Variants in ZNF189 observed in about 807,000 individuals in gnomAD.
The protein encoded by ZNF189 is zinc finger protein 189.
ZNF189 carries 33 observed loss-of-function variants against 53.5 expected under a neutral mutation model. The observed-to-expected ratio is 0.62, with a 90% CI of 0.47 to 0.82. The LOEUF is 0.82. Ranked by LOEUF, ZNF189 falls within the 40% of genes least tolerant of loss-of-function variation. ZNF189 has a pLI of 0.00. For synonymous variants in ZNF189, 247 were observed against 238.8 expected, an observed-to-expected ratio of 1.03 and a Z score of -0.32; for missense variants, 711 against 753.9, an observed-to-expected ratio of 0.94 and a Z score of 0.67.
Position 101,409,793 on chromosome 9 carries a change from T to C in ZNF189, c.*144T>C, listed in dbSNP as rs963866296. 4 of 893,712 alleles carry C rather than the reference T, an allele frequency of 4.5e-6. No individual in the cohort carries two copies. The highest frequency in any genetic ancestry group is 1.9e-5 in the South Asian group (1 of 53,288). 55.4% of individuals were successfully genotyped at this position (893,712 alleles called of 1,614,324 possible). A position where few individuals can be genotyped will look rare whatever the true frequency, so the allele number is the denominator to read the frequency against. On this transcript the variant is annotated 3_prime_UTR_variant, in exon 3 of 3. Transcript: ENST00000339664. The stretch of plus-strand genomic sequence containing the variant: ...TAGTTTCTAAAGATTCTGTGAATAG[T>C]GGACAACTGCCCATGAGCATTTGAC...
chr9:101,408,204 A>C lies in ZNF189; in HGVS notation c.436A>C (p.Lys146Gln). The stretch of plus-strand genomic sequence containing the variant: ...CCGTAAAAGACCAAACTCAGAAGAG[A>C]AATGCCATAAATGTGAAGAATGTGG... The part of the protein sequence containing the change: ...IIRKRPNSEE[K>Q]CHKCEECGKG... The change falls in exon 3 of 3, where the codon AAA becomes CAA. Residue 146 changes from lysine (K) to glutamine (Q), a missense_variant. Physicochemically the swap from Lys to Gln is moderately conservative, Grantham distance 53. Transcript: ENST00000339664. The C allele has an allele frequency of 6.2e-7, 1 of 1,614,190 alleles. No homozygotes were observed. The highest frequency in any genetic ancestry group is 1.7e-5 in the Admixed American group (1 of 60,012).
In ZNF189 at chr9:101,410,055, C is replaced by G. The variant is rs1387198238; in HGVS notation, c.*406C>G. The G allele has an allele frequency of 6.3e-6, 1 of 159,746 alleles. No homozygotes were observed. The highest frequency in any genetic ancestry group is 1.4e-5 in the Non-Finnish European group (1 of 73,238). The allele number at this position is 159,746 out of a possible 1,614,324, so 9.9% of individuals were successfully genotyped here. A position where few individuals can be genotyped will look rare whatever the true frequency, so the allele number is the denominator to read the frequency against. ...TTTCAGTTCCATGATATGTTTGGCT[C>G]TGCATGCCAAAGTCCAGTGATTAAG... On this transcript the variant is annotated 3_prime_UTR_variant, in exon 3 of 3. Transcript: ENST00000339664.
chr9:101,409,114 T>A lies in ZNF189; in HGVS notation c.1346T>A (p.Val449Asp), dbSNP rs185201359. The change falls in exon 3 of 3, where the codon GTC becomes GAC. Residue 449 changes from valine to aspartate, a missense_variant. Physicochemically the swap from Val to Asp is radical, Grantham distance 152. Transcript: ENST00000339664. ...TGCAGTCTTGTTATACAGCAGGAAG[T>A]CTACCCTAAGGAGAAATCTTATAAA... is the stretch of plus-strand genomic sequence containing the variant. ...PNCSLVIQQE[V>D]YPKEKSYKCD... The A allele has an allele frequency of 3.1e-6, 5 of 1,613,926 alleles. No individual in the cohort carries two copies. In the East Asian group the frequency reaches 8.9e-5, roughly 29 times the overall value.
chr9:101,399,622 G>A, intron 1 of ZNF189: 2 of 1,300,640 alleles, frequency 1.5e-6, no homozygotes, highest in Admixed American at 3.6e-5. Context: ...GGTGAGGGAA[G>A]CTTGGAGAGG....
chr9:101,408,659 T>C lies in ZNF189; in HGVS notation c.891T>C (p.Phe297=). ...PYHCTKCKKS[F]SRNSLLVEHQ... is the part of the protein sequence containing the mutation. Reference sequence around the variant, plus strand: ...ACTGTACCAAATGTAAGAAGAGCTTTAGTCGAAATTCATTGCTTGTTGAGC... The same window carrying C: ...ACTGTACCAAATGTAAGAAGAGCTTCAGTCGAAATTCATTGCTTGTTGAGC... Residue 297 remains phenylalanine (F), a synonymous_variant, in exon 3 of 3, where the codon TTT becomes TTC. Coordinates refer to ENST00000339664, the MANE Select transcript of ZNF189 (RefSeq NM_003452.4). 1 of 1,614,138 alleles carries C rather than the reference T, an allele frequency of 6.2e-7. No homozygotes were observed. Among genetic ancestry groups the C allele is most frequent in the Non-Finnish European group, 8.5e-7 (1 of 1,180,016 alleles).
chr9:101,399,301 G>T (rs969028921), intron 1 of ZNF189, 112 bp downstream of exon 1: 5 of 1,434,628 alleles, frequency 3.5e-6, no homozygotes, highest in Middle Eastern at 2.0e-4. Context: ...CCTCTTTAGG[G>T]CCAGCGCCTT....
intron 2 of ZNF189, 72 bp downstream of exon 2, chr9:101,400,082 G>A (rs1010973016): frequency 1.9e-6 from 3 of 1,568,392 alleles, no homozygotes; most frequent in African/African-American, 2.7e-5. Context: ...AGAACATTTG[G>A]ACGGAAACCA....
Position 101,409,764 on chromosome 9 carries a change from C to G in ZNF189, c.*115C>G, listed in dbSNP as rs1830872820. The G allele has an allele frequency of 2.5e-5, 30 of 1,200,058 alleles. 1 individual carries two copies. The South Asian group carries it at 4.7e-4, about 19-fold the overall frequency. 74.3% of individuals were successfully genotyped at this position (1,200,058 alleles called of 1,614,324 possible). On this transcript the variant is annotated 3_prime_UTR_variant, in exon 3 of 3. Transcript: ENST00000339664. ...AAAGCAAATTCTCCTTGGCCTCAGGCAAATAGTTTCTAAAGATTCTGTGAA... is the reference window on the plus strand; with the variant it reads ...AAAGCAAATTCTCCTTGGCCTCAGGGAAATAGTTTCTAAAGATTCTGTGAA...
At chr9:101,400,313 G>C (rs1050797162) in intron 2 of ZNF189, among the ~76,000 whole-genome samples, 1 of 152,058 alleles carries the variant, frequency 6.6e-6, no homozygotes, top group Non-Finnish European at 1.5e-5. Context: ...TGGAACCCCT[G>C]TTCGTCTTCA....
chr9:101,399,552 A>G (rs1830453171), intron 1 of ZNF189: 2 of 1,276,684 alleles, frequency 1.6e-6, no homozygotes, highest in Non-Finnish European at 2.0e-6. Context: ...GAGAACCTCA[A>G]GGAATTGAAT....
intron 2 of ZNF189, among the ~76,000 whole-genome samples, chr9:101,406,781 TG>T (rs1242683413): frequency 1.3e-5 from 2 of 152,192 alleles, no homozygotes; most frequent in Non-Finnish European, 2.9e-5. Flanking sequence ...CAGCAAGAGA[TG>T]GAAAATCAGG....
In ZNF189 at chr9:101,399,291, C is replaced by T. The variant is rs1244500794; in HGVS notation, c.33+102C>T. ...AGGCCCCCCACCAACCTCCTGACCG[C>T]CTCTTTAGGGCCAGCGCCTTGCAAG... On this transcript the variant is annotated intron_variant, in intron 1 of 2. Coordinates refer to ENST00000339664, the MANE Select transcript of ZNF189 (RefSeq NM_003452.4). The T allele has an allele frequency of 9.1e-6, 13 of 1,435,678 alleles. No homozygotes were observed. The East Asian group carries it at 2.9e-4, about 32-fold the overall frequency. The allele number at this position is 1,435,678 out of a possible 1,614,324, so 88.9% of individuals were successfully genotyped here.
At chr9:101,400,049 A>T (rs780138950) in intron 2 of ZNF189, 39 bp downstream of exon 2, 1 of 1,604,450 alleles carries the variant, frequency 6.2e-7, no homozygotes, top group Admixed American at 1.7e-5. Flanking sequence ...ATATCTAAGA[A>T]GGTAGAGAGA....
chr9:101,402,506 A>G (rs1226883832), intron 2 of ZNF189, among the ~76,000 whole-genome samples: 1 of 152,154 alleles, frequency 6.6e-6, no homozygotes, highest in African/African-American at 2.4e-5. Flanking sequence ...TCCAATTCCT[A>G]GTCATCTTTT....
intron 2 of ZNF189, 93 bp downstream of exon 2, chr9:101,400,103 T>C: frequency 6.7e-7 from 1 of 1,482,934 alleles, no homozygotes; most frequent in Admixed American, 2.0e-5. Flanking sequence ...GTACCAAAAC[T>C]GCTTTGTTCC....
chr9:101,408,521 A>G lies in ZNF189; in HGVS notation c.753A>G (p.Gln251=), dbSNP rs917374000. The part of the protein sequence containing the change: ...FSQRRSLVKH[Q]RIHTGEKPHK... ...AGAGAAGGAGCCTTGTTAAACATCA[A>G]AGGATTCATACAGGTGAGAAACCCC... Residue 251 remains glutamine (Q), a synonymous_variant, in exon 3 of 3, where the codon CAA becomes CAG. Transcript: ENST00000339664. 1 of 1,614,198 alleles carries G rather than the reference A, an allele frequency of 6.2e-7. No individual in the cohort carries two copies. Among genetic ancestry groups the G allele is most frequent in the Non-Finnish European group, 8.5e-7 (1 of 1,180,036 alleles).
chr9:101,404,908 A>G (rs975426876), intron 2 of ZNF189, among the ~76,000 whole-genome samples: 2 of 152,368 alleles, frequency 1.3e-5, no homozygotes, highest in African/African-American at 4.8e-5. Context: ...TAATAAAAAA[A>G]TAGAACACCT....
chr9:101,408,054 A>G lies in ZNF189; in HGVS notation c.286A>G (p.Met96Val), dbSNP rs200276978. 6 of 1,613,916 alleles carry G rather than the reference A, an allele frequency of 3.7e-6. 1 individual carries two copies. Among genetic ancestry groups the G allele is most frequent in the Middle Eastern group, 3.3e-4 (2 of 6,084 alleles). ...CAAAAGTGAAATTGACCAGGATCCT[A>G]TGGGTAGAGAAACATTTGAACTTGT... ...RIKSEIDQDP[M>V]GRETFELVGR... The change falls in exon 3 of 3, where the codon ATG (methionine) becomes GTG (valine). Residue 96 changes from methionine to valine, a missense_variant. Met to Val is a conservative substitution (Grantham distance 21). Transcript: ENST00000339664.
Position 101,408,566 on chromosome 9 carries a change from G to A in ZNF189, c.798G>A (p.Gly266=), listed in dbSNP as rs749430953. 6.2e-7 allele frequency: 1 copy of A among 1,614,108 alleles called. No individual in the cohort carries two copies. The change falls in exon 3 of 3, where the codon GGG becomes GGA. Residue 266 remains glycine (G), a synonymous_variant. Transcript: ENST00000339664. Reference sequence around the variant, plus strand: ...AACCCCATAAATGTAGTGACTGTGGGAAAGCCTTCAGTTGGAAATCACACC... The same window carrying A: ...AACCCCATAAATGTAGTGACTGTGGAAAAGCCTTCAGTTGGAAATCACACC... ...GEKPHKCSDC[G]KAFSWKSHLI...
Sources: gnomAD v4.1 joint callset for allele counts (sites outside exome capture counted in the v4.1 genomes callset) on GRCh38, gnomAD v4.1.1 for gene constraint, MANE v1.5 for transcripts, NCBI Gene and HGNC (gene_info 2026-07-23, HGNC 2026-07-21) for gene names.